Variants in WDR86 observed in about 807,000 individuals in gnomAD.
WDR86 encodes the protein WD repeat-containing protein 86.
In WDR86, 30 loss-of-function variants were observed where a neutral mutation model predicts 36.5. That is an observed-to-expected ratio of 0.82 (90% CI 0.61 to 1.11). The LOEUF (loss-of-function observed/expected upper bound fraction) is 1.11, where lower values mean the gene tolerates loss of function less well. WDR86 is among the 50% of genes most tolerant of loss of function. WDR86 has a pLI of 0.00. For missense variants in WDR86, 545 were observed against 561.2 expected (o/e 0.97, Z 0.29); for synonymous variants, 255 against 252.9 (o/e 1.01, Z -0.08).
At position 151,401,182 on chromosome 7, in the gene WDR86, G is replaced by T. The variant is rs1365573007; in HGVS notation, c.164-941C>A. Among the ~76,000 whole-genome samples, 1 of 152,136 alleles carries T rather than the reference G, an allele frequency of 6.6e-6. No individual in the cohort carries two copies. Among genetic ancestry groups the T allele is most frequent in the Non-Finnish European group, 1.5e-5 (1 of 68,008 alleles). On this transcript the variant is annotated intron_variant, in intron 1 of 5. Transcript: ENST00000334493. The surrounding 1 kb of genome is among the most constrained non-coding windows in gnomAD (Gnocchi z 4.3). Reference sequence around the variant, plus strand: ...GCAGCCTACCCTGACTCCCCTCTTGGGGCGTCCTGCCTATTCTGCACCTAA... The same window carrying T: ...GCAGCCTACCCTGACTCCCCTCTTGTGGCGTCCTGCCTATTCTGCACCTAA...
In WDR86 at chr7:151,408,876, G is replaced by C. The variant is rs1161276002; in HGVS notation, c.163+551C>G. 8.5e-6 allele frequency: 4 copies of C among 469,176 alleles called. No individual in the cohort carries two copies. The Admixed American group carries it at 9.4e-5, about 11-fold the overall frequency. The allele number at this position is 469,176 out of a possible 1,614,324, so 29.1% of individuals were successfully genotyped here. ...CTACCCCTCACTGGCTGTGCGACCT[G>C]GGCGAATTACTTAACTCCCAGCCTG... On this transcript the variant is annotated intron_variant, in intron 1 of 5. Transcript: ENST00000334493.
chr7:151,381,957 C>G lies in WDR86; in HGVS notation c.887G>C (p.Cys296Ser). The G allele has an allele frequency of 6.2e-7, 1 of 1,606,398 alleles. No individual in the cohort carries two copies. Among genetic ancestry groups the G allele is most frequent in the South Asian group, 1.1e-5 (1 of 89,888 alleles). The change falls in exon 5 of 6, where the codon TGC becomes TCC. Residue 296 changes from cysteine (C) to serine (S), a missense_variant. Physicochemically the swap from Cys to Ser is moderately radical, Grantham distance 112. Coordinates refer to ENST00000334493, the MANE Select transcript of WDR86 (RefSeq NM_198285.3). The surrounding 1 kb of genome is among the most constrained non-coding windows in gnomAD (Gnocchi z 4.8). ...AGACTGCGCGTCGAAGGCCCGGGCG[C>G]AAGCGTCCCCGCTGCCCGTGAACAC... ...GTLFTGSGDA[C>S]ARAFDAQSGE...
intron 3 of WDR86, among the ~76,000 whole-genome samples, chr7:151,393,402 A>G (rs1357855652): frequency 6.6e-6 from 1 of 152,136 alleles, no homozygotes; most frequent in Non-Finnish European, 1.5e-5. Flanking sequence ...CAGGAAGAAC[A>G]GCACTGAGAC....
In WDR86 at chr7:151,396,013, C is replaced by T. The variant is rs1228207212; in HGVS notation, c.489G>A (p.Gly163=). ...STPCAEEAAA[G]GLLVTGSTDG... ...CTGTGCTGCCGGTCACCAGAAGCCCCCCGGCCGCGGCCTCCTCCGCGCAGG... is the reference window on the plus strand; with the variant it reads ...CTGTGCTGCCGGTCACCAGAAGCCCTCCGGCCGCGGCCTCCTCCGCGCAGG... The change falls in exon 3 of 6, where the codon GGG becomes GGA. Residue 163 remains glycine, a synonymous_variant. Transcript: ENST00000334493. 6 of 1,602,876 alleles carry T rather than the reference C, an allele frequency of 3.7e-6. No individual in the cohort carries two copies. The highest frequency in any genetic ancestry group is 5.1e-6 in the Non-Finnish European group (6 of 1,175,204).
downstream of WDR86, chr7:151,377,577 C>T (rs2240628): frequency 0.3 from 47,273 of 158,728 alleles, 7,500 homozygotes; most frequent in East Asian, 0.44. Flanking sequence ...GTGTCCCGAC[C>T]GCTTCCTCTC....
chr7:151,408,199 CT>C (rs1029293163), intron 1 of WDR86, among the ~76,000 whole-genome samples: 29 of 116,060 alleles, frequency 2.5e-4, no homozygotes, highest in Admixed American at 6.6e-4. Flanking sequence ...CTTTTCTTTT[CT>C]TTTTTTTTTT....
chr7:151,386,890 C>T (rs1251879591), intron 3 of WDR86, among the ~76,000 whole-genome samples: 1 of 152,222 alleles, frequency 6.6e-6, no homozygotes, highest in African/African-American at 2.4e-5. Context: ...TCCCAGGTTT[C>T]CTACAAGTCC....
intron 1 of WDR86, among the ~76,000 whole-genome samples, chr7:151,402,047 CAAA>C (rs71198714): frequency 1.3e-3 from 20 of 14,948 alleles, no homozygotes; most frequent in African/African-American, 6.6e-3. Flanking sequence ...AACTCTGCCT[CAAA>C]AAAAAAAAAA....
At chr7:151,386,808 CT>C (rs1799019916) in intron 3 of WDR86, among the ~76,000 whole-genome samples, 1 of 152,148 alleles carries the variant, frequency 6.6e-6, no homozygotes, top group Non-Finnish European at 1.5e-5. Flanking sequence ...TTCCCTGGCC[CT>C]ATATCCTGGT....
At chr7:151,407,404 C>T (rs1172802930) in intron 1 of WDR86, among the ~76,000 whole-genome samples, 2 of 152,202 alleles carry the variant, frequency 1.3e-5, no homozygotes, top group African/African-American at 4.8e-5. Flanking sequence ...ACCAGGCTAC[C>T]GGCAGCCTGG....
downstream of WDR86, among the ~76,000 whole-genome samples, chr7:151,375,255 G>T (rs1197842519): frequency 6.6e-6 from 1 of 152,048 alleles, no homozygotes; most frequent in Admixed American, 6.5e-5. Flanking sequence ...CATCTAGTTC[G>T]TTTTTTTGTG....
chr7:151,394,621 G>A (rs1169749089), intron 3 of WDR86, among the ~76,000 whole-genome samples: 2 of 152,348 alleles, frequency 1.3e-5, no homozygotes, highest in South Asian at 2.1e-4. Flanking sequence ...CAGGCACACC[G>A]TTAGGTCCTT....
At chr7:151,369,473 A>G in the WDR86 span, among the ~76,000 whole-genome samples, 1 of 152,320 alleles carries the variant, frequency 6.6e-6, no homozygotes, top group South Asian at 2.1e-4. Flanking sequence ...GGTCATTATT[A>G]AAGTTGGGGA....
Position 151,409,468 on chromosome 7 carries a change from A to G in WDR86, c.122T>C (p.Leu41Pro), listed in dbSNP as rs1801027823. The G allele has an allele frequency of 6.5e-7, 1 of 1,538,874 alleles. No individual in the cohort carries two copies. Among genetic ancestry groups the G allele is most frequent in the South Asian group, 1.2e-5 (1 of 84,052 alleles). ...LTGSEDGTAR[L>P]WSTADGQCCA... ...GCACTGGCCGTCCGCGGTGCTCCAG[A>G]GCCGGGCCGTGCCGTCCTCGCTGCC... The change falls in exon 1 of 6, where the codon CTC becomes CCC. Residue 41 changes from leucine (L) to proline (P), a missense_variant. Transcript: ENST00000334493. The surrounding 1 kb of genome is among the most constrained non-coding windows in gnomAD (Gnocchi z 5.2).
intron 1 of WDR86, among the ~76,000 whole-genome samples, chr7:151,402,510 C>T (rs570562566): frequency 6.1e-4 from 93 of 152,318 alleles, no homozygotes; most frequent in African/African-American, 2.0e-3. Flanking sequence ...CCACTGGCAG[C>T]GGCTGGCTGG....
rs1355766723 is a variant in WDR86 at position 151,381,901 on chromosome 7, T to C, written c.943A>G (p.Thr315Ala). The C allele has an allele frequency of 6.2e-7, 1 of 1,609,762 alleles. No individual in the cohort carries two copies. Among genetic ancestry groups the C allele is most frequent in the Admixed American group, 1.7e-5 (1 of 59,692 alleles). ...ACCTGGATGCAGTTGATGATGAATG[T>C]GTGGCCCCGGAACACCCTCCGCAGC... The part of the protein sequence containing the change: ...GELRRVFRGH[T>A]FIINCIQVHG... The change falls in exon 5 of 6, where the codon ACA (threonine) becomes GCA (alanine). Residue 315 changes from threonine (T) to alanine (A), a missense_variant. Transcript: ENST00000334493. This position sits in a 1 kb window ranked among gnomAD's most constrained non-coding sequence, Gnocchi z 4.8.
At chr7:151,403,784 T>C (rs1800512639) in intron 1 of WDR86, among the ~76,000 whole-genome samples, 1 of 152,220 alleles carries the variant, frequency 6.6e-6, no homozygotes, top group South Asian at 2.1e-4. Flanking sequence ...CAATAAACTT[T>C]CCCTGGGAAC....
At chr7:151,374,411 T>G (rs1798111189), downstream of WDR86, 5 of 814,718 alleles carry the variant, frequency 6.1e-6, no homozygotes, top group Non-Finnish European at 1.0e-5. Context: ...ACAGGCTGCG[T>G]GAGGCCACGT....
chr7:151,402,864 C>T (rs1000022998), intron 1 of WDR86, among the ~76,000 whole-genome samples: 1 of 152,168 alleles, frequency 6.6e-6, no homozygotes, highest in African/African-American at 2.4e-5. Flanking sequence ...CCCTGGGGGC[C>T]CTCAGGGTCT....
Sources: allele counts gnomAD v4.1 joint callset (sites outside exome capture counted in the v4.1 genomes callset), GRCh38; gene constraint gnomAD v4.1.1; non-coding constraint Gnocchi (gnomAD v3.1); transcripts MANE v1.5; gene names NCBI Gene and HGNC (gene_info 2026-07-23, HGNC 2026-07-21).